The following GABRR2 variants were observed in gnomAD, a reference collection of about 807,000 sequenced individuals.
GABRR2 encodes gamma-aminobutyric acid type A receptor subunit rho2, also known as gamma-aminobutyric acid receptor subunit rho-2.
A neutral mutation model predicts 47.0 loss-of-function variants in GABRR2; 36 were observed. The ratio of observed to expected loss-of-function variants is 0.77; its 90% CI spans 0.59 to 1.01. GABRR2 has a LOEUF of 1.01. Ranked by LOEUF, GABRR2 falls within the 50% of genes least tolerant of loss-of-function variation. The pLI, the probability that GABRR2 is intolerant of heterozygous loss-of-function variation, is 0.00. For missense variants in GABRR2, 587 were observed against 594.6 expected (o/e 0.99, Z 0.13); for synonymous variants, 204 against 227.5 (o/e 0.90, Z 0.93).
chr6:89,305,527 G>A (rs146335767), intron 1 of GABRR2, among the ~76,000 whole-genome samples: 49 of 152,178 alleles, frequency 3.2e-4, no homozygotes, highest in African/African-American at 1.1e-3. Flanking sequence ...GGGAGGCTGA[G>A]GTGGGAAAAT....
rs756751412 is a variant in GABRR2 at position 89,315,242 on chromosome 6, G to T, written c.-77C>A. 6.2e-7 allele frequency: 1 copy of T among 1,605,310 alleles called. No individual in the cohort carries two copies. The highest frequency in any genetic ancestry group is 8.5e-7 in the Non-Finnish European group (1 of 1,174,904). ...GCAAATCCCCCCTGGCTTGACCATT[G>T]ATCCATCTGCTGCCTCCTGACGGGC... On this transcript the variant is annotated 5_prime_UTR_variant, in exon 1 of 9. Transcript: ENST00000402938.
intron 2 of GABRR2, among the ~76,000 whole-genome samples, chr6:89,277,038 A>T (rs1039030415): frequency 3.3e-5 from 5 of 152,220 alleles, no homozygotes; most frequent in African/African-American, 1.2e-4. Flanking sequence ...ACTATTTGAC[A>T]TGATTAGGCT....
In GABRR2 at chr6:89,294,106, G is replaced by T. The variant is rs534156914; in HGVS notation, c.220+5653C>A. ...TTGGTGCTTGGGTCCCACCCCCAGA[G>T]ATTCTGATTTAATTAGTCTGGGGTA... On this transcript the variant is annotated intron_variant, in intron 2 of 8. Coordinates refer to ENST00000402938, the MANE Select transcript of GABRR2 (RefSeq NM_002043.5). Among the ~76,000 whole-genome samples the T allele has an allele frequency of 6.6e-4, 100 of 152,008 alleles. 1 individual carries two copies. The highest frequency in any genetic ancestry group is 1.2e-3 in the Non-Finnish European group (85 of 68,026).
chr6:89,312,647 A>G (rs1488377760), intron 1 of GABRR2, among the ~76,000 whole-genome samples: 1 of 152,200 alleles, frequency 6.6e-6, no homozygotes, highest in Non-Finnish European at 1.5e-5. Context: ...ATAGCTTGAC[A>G]CCTGCGTGTC....
chr6:89,298,460 G>A (rs1774594234), intron 2 of GABRR2, among the ~76,000 whole-genome samples: 2 of 152,260 alleles, frequency 1.3e-5, no homozygotes, highest in South Asian at 2.1e-4. Flanking sequence ...ACAAATGGAG[G>A]CTCAAAGGAT....
At chr6:89,272,332 C>T (rs1019308790) in intron 2 of GABRR2, among the ~76,000 whole-genome samples, 5 of 152,208 alleles carry the variant, frequency 3.3e-5, no homozygotes, top group Non-Finnish European at 5.9e-5. Flanking sequence ...GAAAACCCAG[C>T]ACGGAAACTA....
At chr6:89,307,570 A>T (rs1173828325) in intron 1 of GABRR2, among the ~76,000 whole-genome samples, 1 of 152,166 alleles carries the variant, frequency 6.6e-6, no homozygotes, top group African/African-American at 2.4e-5. Context: ...GATAAGCCTT[A>T]ATCTAATGCC....
In GABRR2 at chr6:89,315,156, A is replaced by G. The variant is rs748645186; in HGVS notation, c.10T>C (p.Phe4Leu). 1.2e-6 allele frequency: 2 copies of G among 1,613,930 alleles called. No homozygotes were observed. Among genetic ancestry groups the G allele is most frequent in the South Asian group, 2.2e-5 (2 of 91,080 alleles). The change falls in exon 1 of 9, where the codon TTT becomes CTT. Residue 4 changes from phenylalanine (F) to leucine (L), a missense_variant. Transcript: ENST00000402938. ...AACAAGAACAAAATGAGTCTTGTAA[A>G]ATAAGGCATTTTGTGGACATCTGTG... MPY[F>L]TRLILFLFCL...
At chr6:89,301,249 C>T (rs1000717363) in intron 1 of GABRR2, among the ~76,000 whole-genome samples, 1 of 152,140 alleles carries the variant, frequency 6.6e-6, no homozygotes, top group Non-Finnish European at 1.5e-5. Context: ...ACATATGTGA[C>T]AAACCCATAG....
intron 2 of GABRR2, among the ~76,000 whole-genome samples, chr6:89,272,643 G>C (rs369412255): frequency 2.0e-5 from 3 of 152,208 alleles, no homozygotes; most frequent in African/African-American, 7.2e-5. Context: ...GGGCCTCAGC[G>C]GGAGAGGGCA....
intron 2 of GABRR2, 21 bp downstream of exon 2, chr6:89,299,738 A>C: frequency 6.4e-7 from 1 of 1,568,946 alleles, no homozygotes; most frequent in South Asian, 1.1e-5. Context: ...CCCACCTGGC[A>C]TCAAGGAAGA....
intron 8 of GABRR2, among the ~76,000 whole-genome samples, chr6:89,258,702 C>T (rs1415490510): frequency 1.4e-5 from 2 of 147,098 alleles, no homozygotes; most frequent in Non-Finnish European, 3.0e-5. Context: ...GCCTGGGTGA[C>T]AGAGCAAAAC....
intron 8 of GABRR2, among the ~76,000 whole-genome samples, chr6:89,259,056 C>G (rs1773678445): frequency 6.6e-6 from 1 of 151,748 alleles, no homozygotes; most frequent in South Asian, 2.1e-4. Flanking sequence ...GTATGACACT[C>G]TAAGTGGGAG....
At chr6:89,271,631 G>A (rs1261959567) in intron 3 of GABRR2, 24 bp downstream of exon 3, 2 of 1,601,726 alleles carry the variant, frequency 1.2e-6, no homozygotes. Flanking sequence ...CTCTCACGCT[G>A]TGTCACTGGA....
intron 1 of GABRR2, among the ~76,000 whole-genome samples, chr6:89,303,751 A>G (rs940286263): frequency 5.3e-5 from 8 of 152,146 alleles, no homozygotes; most frequent in African/African-American, 1.9e-4. Context: ...GTACTGGTAC[A>G]AAAACAGGCA....
intron 3 of GABRR2, 37 bp downstream of exon 3, chr6:89,271,618 A>C: frequency 6.3e-7 from 1 of 1,579,426 alleles, no homozygotes; most frequent in Non-Finnish European, 8.7e-7. Context: ...ACTACACTAC[A>C]GGCTCTCACG....
At chr6:89,305,857 C>T (rs1397536117) in intron 1 of GABRR2, among the ~76,000 whole-genome samples, 2 of 151,908 alleles carry the variant, frequency 1.3e-5, no homozygotes, top group Non-Finnish European at 2.9e-5. Context: ...TACGGGGCTT[C>T]GTACCTGGGT....
intron 1 of GABRR2, 150 bp from the exon 2 acceptor site, chr6:89,300,015 C>T (rs1288957842): frequency 1.5e-5 from 9 of 605,274 alleles, no homozygotes; most frequent in Non-Finnish European, 2.1e-5. Context: ...GCTGAAGGAC[C>T]CTCCACACAC....
At chr6:89,261,492 C>G (rs1228289490) in intron 8 of GABRR2, among the ~76,000 whole-genome samples, 4 of 152,170 alleles carry the variant, frequency 2.6e-5, no homozygotes, top group Non-Finnish European at 1.5e-5. Context: ...GCTGAACACA[C>G]CTTGTTATTC....
Sources: allele counts gnomAD v4.1 joint callset (sites outside exome capture counted in the v4.1 genomes callset), GRCh38; gene constraint gnomAD v4.1.1; transcripts MANE v1.5; gene names NCBI Gene and HGNC (gene_info 2026-07-23, HGNC 2026-07-21).